The following GPR26 variants were observed in gnomAD, a reference collection of about 807,000 sequenced individuals.
GPR26 encodes G protein-coupled receptor 26.
Under a neutral mutation model 23.1 loss-of-function variants are expected in GPR26, and 15 were observed. The ratio of observed to expected loss-of-function variants is 0.65; its 90% confidence interval spans 0.43 to 1.00. The LOEUF (loss-of-function observed/expected upper bound fraction) is 1.00, where lower values mean the gene tolerates loss of function less well. Ranked by LOEUF, GPR26 falls within the 50% of genes least tolerant of loss-of-function variation. The pLI is 0.00. For synonymous variants in GPR26, 228 were observed against 222.1 expected (o/e 1.03, Z -0.24); for missense variants, 359 against 470.5 (o/e 0.76, Z 2.19).
rs1410872426 is a variant in GPR26 at position 123,689,845 on chromosome 10, G to A, written c.*1685G>A. On this transcript the variant is annotated 3_prime_UTR_variant, in exon 3 of 3. Transcript: ENST00000284674. ...ACCATGGAGACTAGAATGGAGACAGGTGTAGCTTCCAAGGAGGCCTTGGCA... is the reference window on the plus strand; with the variant it reads ...ACCATGGAGACTAGAATGGAGACAGATGTAGCTTCCAAGGAGGCCTTGGCA... 1 of 152,212 alleles carries A rather than the reference G, an allele frequency of 6.6e-6. No homozygotes were observed. The highest frequency in any genetic ancestry group is 2.4e-5 in the African/African-American group (1 of 41,452). The allele number at this position is 152,212 out of a possible 1,614,324, so 9.4% of individuals were successfully genotyped here. A position where few individuals can be genotyped will look rare whatever the true frequency, so the allele number is the denominator to read the frequency against.
In GPR26 at chr10:123,691,704, G is replaced by C. The variant is rs1461345643; in HGVS notation, c.*3544G>C. On this transcript the variant is annotated 3_prime_UTR_variant, in exon 3 of 3. Coordinates refer to ENST00000284674, the MANE Select transcript of GPR26 (RefSeq NM_153442.4). ...GAAAAAGAGGTCCGAGTCATATTTA[G>C]GGCTTCATGTGTCTGGAAGGGAGCC... 6.6e-6 allele frequency: 1 copy of C among 152,162 alleles called. No individual in the cohort carries two copies. The highest frequency in any genetic ancestry group is 2.4e-5 in the African/African-American group (1 of 41,426). 9.4% of individuals were successfully genotyped at this position (152,162 alleles called of 1,614,324 possible).
intron 1 of GPR26, 70 bp downstream of exon 1, chr10:123,667,145 C>A: frequency 8.7e-7 from 1 of 1,146,570 alleles, no homozygotes; most frequent in Non-Finnish European, 1.2e-6. Flanking sequence ...AGGTCCCTAG[C>A]CCCAGGGGCT....
chr10:123,681,680 A>T (rs902247419), intron 2 of GPR26, among the ~76,000 whole-genome samples: 7 of 152,154 alleles, frequency 4.6e-5, no homozygotes, highest in Non-Finnish European at 7.4e-5. Context: ...TGGGCGGGGG[A>T]TTCCCTTCTC....
intron 1 of GPR26, among the ~76,000 whole-genome samples, chr10:123,669,011 G>C (rs1408599595): frequency 6.6e-6 from 1 of 152,226 alleles, no homozygotes; most frequent in African/African-American, 2.4e-5. Flanking sequence ...GGTCTCAGGA[G>C]TGGAGGCAGC....
In GPR26 at chr10:123,694,931, A is replaced by T. The variant is rs913162418; in HGVS notation, c.*6771A>T. On this transcript the variant is annotated 3_prime_UTR_variant, in exon 3 of 3. Transcript: ENST00000284674. ...TCTGACAATATCCTGAAGGGTTCGAATGTTTGTCTTCGGTAGGGAGTGCCA... is the reference window on the plus strand; with the variant it reads ...TCTGACAATATCCTGAAGGGTTCGATTGTTTGTCTTCGGTAGGGAGTGCCA... Among the ~76,000 whole-genome samples the T allele has an allele frequency of 6.6e-6, 1 of 152,192 alleles. No homozygotes were observed.
rs1331747541 is a variant in GPR26, at chr10:123,688,281, G to C, written c.*121G>C. Reference sequence around the variant, plus strand: ...AGTCCCTGGCATGCCCAGTGATCCTGGTTCCCTGGCTTGTAGGGGCTCCAG... The same window carrying C: ...AGTCCCTGGCATGCCCAGTGATCCTCGTTCCCTGGCTTGTAGGGGCTCCAG... On this transcript the variant is annotated 3_prime_UTR_variant, in exon 3 of 3. Coordinates refer to ENST00000284674, the MANE Select transcript of GPR26 (RefSeq NM_153442.4). 3 of 683,518 alleles carry C rather than the reference G, an allele frequency of 4.4e-6. No individual in the cohort carries two copies. The highest frequency in any genetic ancestry group is 2.3e-5 in the Admixed American group (1 of 44,384). The allele number at this position is 683,518 out of a possible 1,614,324, so 42.3% of individuals were successfully genotyped here. A position where few individuals can be genotyped will look rare whatever the true frequency, so the allele number is the denominator to read the frequency against.
In GPR26 at chr10:123,687,964, C is replaced by G; in HGVS notation, c.818C>G (p.Ser273Cys). 6.2e-7 allele frequency: 1 copy of G among 1,613,674 alleles called. No homozygotes were observed. Among genetic ancestry groups the G allele is most frequent in the Non-Finnish European group, 8.5e-7 (1 of 1,179,706 alleles). The change falls in exon 3 of 3, where the codon TCC becomes TGC. Residue 273 changes from serine to cysteine, a missense_variant. Ser to Cys is a moderately radical substitution (Grantham distance 112). Transcript: ENST00000284674. The part of the protein sequence containing the change: ...VELFSTVPIG[S>C]HWGVLSKCLA... ...CTCTTCTCCACGGTGCCCATCGGCT[C>G]CCACTGGGGGGTGCTGTCCAAGTGC...
rs539670045 is a variant in GPR26, at chr10:123,695,578, C to T, written c.*7418C>T. Among the ~76,000 whole-genome samples the T allele has an allele frequency of 2.6e-5, 4 of 152,104 alleles. No individual in the cohort carries two copies. The highest frequency in any genetic ancestry group is 3.9e-4 in the East Asian group (2 of 5,186). On this transcript the variant is annotated 3_prime_UTR_variant, in exon 3 of 3. Transcript: ENST00000284674. ...GTCGGGGGAGCATTGGATGCCATCACGTTGACACTCAATTGATTGGGTGAC... is the reference window on the plus strand; with the variant it reads ...GTCGGGGGAGCATTGGATGCCATCATGTTGACACTCAATTGATTGGGTGAC...
chr10:123,675,220 G>T (rs1016975391), intron 2 of GPR26, among the ~76,000 whole-genome samples: 2 of 151,946 alleles, frequency 1.3e-5, no homozygotes, highest in Non-Finnish European at 2.9e-5. Flanking sequence ...CCCCCAGGAG[G>T]CCCTAAAGAG....
chr10:123,677,125 C>T (rs1189978296), intron 2 of GPR26, among the ~76,000 whole-genome samples: 1 of 152,098 alleles, frequency 6.6e-6, no homozygotes, highest in East Asian at 1.9e-4. Flanking sequence ...ACGGCTCCAA[C>T]TTCAAACTAT....
Position 123,666,877 on chromosome 10 carries a change from C to T in GPR26, c.470C>T (p.Thr157Met), listed in dbSNP as rs896088887. 15 of 1,611,714 alleles carry T rather than the reference C, an allele frequency of 9.3e-6. No homozygotes were observed. Among genetic ancestry groups the T allele is most frequent in the East Asian group, 4.5e-5 (2 of 44,840 alleles). Residue 157 changes from threonine to methionine, a missense_variant, in exon 1 of 3, where the codon ACG becomes ATG. Coordinates refer to ENST00000284674, the MANE Select transcript of GPR26 (RefSeq NM_153442.4). ...TTCCACCAGCTGTACGCCTCGTGCA[C>T]GCTGTGCAGCCGGCGGCCAGACGAG... ...LGFHQLYASCTLCSRRPDERL... is the reference protein window; with the variant it reads ...LGFHQLYASCMLCSRRPDERL...
chr10:123,684,147 G>T (rs1056663341), intron 2 of GPR26, among the ~76,000 whole-genome samples: 1 of 152,172 alleles, frequency 6.6e-6, no homozygotes, highest in Admixed American at 6.5e-5. Flanking sequence ...CGTTTCCCCC[G>T]AATGGAGCCT....
In GPR26 at chr10:123,680,827, T is replaced by TTG. The variant is rs1491525098; in HGVS notation, c.782+5896_782+5897insTG. On this transcript the variant is annotated intron_variant, in intron 2 of 2. Coordinates refer to ENST00000284674, the MANE Select transcript of GPR26 (RefSeq NM_153442.4). ...TTTTTTTTGTTTTGTTTTGTTTTTT[T>TTG]GGGGGGGGGGGTTGTTTTTTTGTTT... 1.0e-3 allele frequency among the ~76,000 whole-genome samples: 98 copies of TTG among 95,708 alleles called. 3 individuals carry two copies. The highest frequency in any genetic ancestry group is 1.0e-2 in the South Asian group (26 of 2,606). The allele number at this position is 95,708 out of a possible 152,430, so 62.8% of individuals were successfully genotyped here. A position where few individuals can be genotyped will look rare whatever the true frequency, so the allele number is the denominator to read the frequency against.
rs1368808174 is a variant in GPR26 at position 123,674,774 on chromosome 10, C to G, written c.669-44C>G. 7.7e-7 allele frequency: 1 copy of G among 1,306,980 alleles called. No individual in the cohort carries two copies. Among genetic ancestry groups the G allele is most frequent in the Admixed American group, 1.7e-5 (1 of 57,834 alleles). 81.0% of individuals were successfully genotyped at this position (1,306,980 alleles called of 1,614,324 possible). On this transcript the variant is annotated intron_variant, in intron 1 of 2. Transcript: ENST00000284674. The surrounding 1 kb of genome is among the most constrained non-coding windows in gnomAD (Gnocchi z 4.1). Reference sequence around the variant, plus strand: ...TAAATAGTGCCTCATCCTGACCTAGCAAGGGTGCCTCGTAGTTCACCTTCT... The same window carrying G: ...TAAATAGTGCCTCATCCTGACCTAGGAAGGGTGCCTCGTAGTTCACCTTCT...
rs1491276587 is a variant in GPR26, at chr10:123,675,799, T to TGTGTGTGTGTGTGTGTGTGTGTGTGTAC, written c.782+886_782+887insGTGTGTGTACGTGTGTGTGTGTGTGTGT. The stretch of plus-strand genomic sequence containing the variant: ...GAAGCAGCATCTGTGCAGGGTTTTC[T>TGTGTGTGTGTGTGTGTGTGTGTGTGTAC]GTGTGTGTGTGTGTGTGTACGTGTG... On this transcript the variant is annotated intron_variant, in intron 2 of 2. Coordinates refer to ENST00000284674, the MANE Select transcript of GPR26 (RefSeq NM_153442.4). Among the ~76,000 whole-genome samples the TGTGTGTGTGTGTGTGTGTGTGTGTGTAC allele has an allele frequency of 4.0e-3, 12 of 3,024 alleles. No individual in the cohort carries two copies. The South Asian group carries it at 0.098, about 25-fold the overall frequency. The allele number at this position is 3,024 out of a possible 152,430, so 2.0% of individuals were successfully genotyped here.
At chr10:123,682,401 CA>C (rs1429627089) in intron 2 of GPR26, among the ~76,000 whole-genome samples, 1 of 152,154 alleles carries the variant, frequency 6.6e-6, no homozygotes, top group African/African-American at 2.4e-5. Flanking sequence ...CACGAGGCCA[CA>C]GTGGGAAACA....
chr10:123,675,819 C>CGTGT (rs1176442924), intron 2 of GPR26, among the ~76,000 whole-genome samples: 2 of 16,668 alleles, frequency 1.2e-4, no homozygotes, highest in Non-Finnish European at 2.8e-4. Flanking sequence ...TGTGTGTGTA[C>CGTGT]GTGTGTGTGT....
intron 2 of GPR26, among the ~76,000 whole-genome samples, chr10:123,677,813 C>T (rs972285436): frequency 1.3e-5 from 2 of 152,200 alleles, no homozygotes; most frequent in East Asian, 3.9e-4. Context: ...AGGTCTAGAG[C>T]TGTGCTGTCC....
intron 1 of GPR26, among the ~76,000 whole-genome samples, chr10:123,672,972 TGA>T (rs915669858): frequency 6.6e-6 from 1 of 152,164 alleles, no homozygotes; most frequent in African/African-American, 2.4e-5. Flanking sequence ...ATAAATGTTG[TGA>T]GTTTTAAATA....
Sources: allele counts gnomAD v4.1 joint callset (sites outside exome capture counted in the v4.1 genomes callset), GRCh38; gene constraint gnomAD v4.1.1; non-coding constraint Gnocchi (gnomAD v3.1); transcripts MANE v1.5; gene names NCBI Gene and HGNC (gene_info 2026-07-23, HGNC 2026-07-21).